POLR3E: variants seen among roughly 807,000 people sequenced by gnomAD.
POLR3E encodes RNA polymerase III subunit E.
POLR3E carries 41 observed loss-of-function variants against 96.6 expected under a neutral mutation model. The ratio of observed to expected loss-of-function variants is 0.42; its 90% CI spans 0.33 to 0.55. POLR3E has a LOEUF of 0.55. Among genes scored for constraint, POLR3E ranks in the 20% least tolerant of loss-of-function variants. The pLI, the probability that POLR3E is intolerant of heterozygous loss-of-function variation, is 0.06. For synonymous variants in POLR3E, 396 were observed against 383.6 expected (o/e 1.03, Z -0.38); for missense variants, 849 against 952.1 (o/e 0.89, Z 1.43).
intron 13 of POLR3E, among the ~76,000 whole-genome samples, chr16:22,320,316 C>G (rs1567323013): frequency 6.6e-6 from 1 of 151,986 alleles, no homozygotes; most frequent in Admixed American, 6.6e-5. Flanking sequence ...GGCTGGGGTG[C>G]AGTGGCACAG....
At chr16:22,308,058 G>A in intron 3 of POLR3E, 90 bp from the exon 4 acceptor site, 4 of 927,890 alleles carry the variant, frequency 4.3e-6, no homozygotes, top group Admixed American at 3.6e-5. Context: ...GCTTGGGGTG[G>A]GCTTGGAGAT....
chr16:22,309,246 A>C, intron 5 of POLR3E, 182 bp from the exon 6 acceptor site: 1 of 700,774 alleles, frequency 1.4e-6, no homozygotes, highest in Non-Finnish European at 2.6e-6. Context: ...CTTGGTCTAC[A>C]AACAAGGCCA....
At position 22,328,505 on chromosome 16, in the gene POLR3E, G is replaced by T; in HGVS notation, c.1867-5G>T. 1 of 1,613,740 alleles carries T rather than the reference G, an allele frequency of 6.2e-7. No homozygotes were observed. The highest frequency in any genetic ancestry group is 1.7e-5 in the Admixed American group (1 of 60,016). On this transcript the variant is annotated splice_region_variant and splice_polypyrimidine_tract_variant and intron_variant, in intron 18 of 20. Coordinates refer to ENST00000299853, the MANE Select transcript of POLR3E (RefSeq NM_018119.4). Reference sequence around the variant, plus strand: ...ACAAGCAACTCACCCCTGGGCCTTGGTCAGTTTCCCCCCCAGACTGCTGCT... The same window carrying T: ...ACAAGCAACTCACCCCTGGGCCTTGTTCAGTTTCCCCCCCAGACTGCTGCT...
At chr16:22,316,722 C>T in intron 10 of POLR3E, 36 bp downstream of exon 10, 1 of 1,528,710 alleles carries the variant, frequency 6.5e-7, no homozygotes, top group Non-Finnish European at 9.1e-7. Context: ...AACTGGATGC[C>T]TGCCCAGGGT....
chr16:22,309,568 G>A lies in POLR3E; in HGVS notation c.364+58G>A, dbSNP rs371347024. ...ATGGCATTGGGGGGGGCTGGGCAGG[G>A]AGAGTACCTCCCCAGCCTGGTGTCC... On this transcript the variant is annotated intron_variant, in intron 6 of 20. Coordinates refer to ENST00000299853, the MANE Select transcript of POLR3E (RefSeq NM_018119.4). The A allele has an allele frequency of 4.2e-6, 5 of 1,178,974 alleles. No individual in the cohort carries two copies. In the African/African-American group the frequency reaches 6.0e-5, roughly 14 times the overall value. The allele number at this position is 1,178,974 out of a possible 1,614,324, so 73.0% of individuals were successfully genotyped here.
intron 1 of POLR3E, among the ~76,000 whole-genome samples, chr16:22,302,113 AT>A (rs2048035774): frequency 6.6e-6 from 1 of 151,402 alleles, no homozygotes; most frequent in African/African-American, 2.4e-5. Context: ...TCTTCCTGGA[AT>A]TTCTCCTCCC....
intron 20 of POLR3E, among the ~76,000 whole-genome samples, chr16:22,332,765 T>A (rs536064208): frequency 2.0e-5 from 3 of 152,058 alleles, no homozygotes; most frequent in African/African-American, 7.2e-5. Context: ...CTGTTTACTA[T>A]ATGAAAGCAC....
chr16:22,326,300 A>C, intron 18 of POLR3E, 22 bp downstream of exon 18: 3 of 454,038 alleles, frequency 6.6e-6, no homozygotes, highest in Non-Finnish European at 8.2e-6. Flanking sequence ...CCTGCCTGCC[A>C]GGGGCATGGG....
intron 1 of POLR3E, among the ~76,000 whole-genome samples, chr16:22,298,409 G>A (rs767196594): frequency 6.6e-6 from 1 of 152,190 alleles, no homozygotes; most frequent in Non-Finnish European, 1.5e-5. Flanking sequence ...AACCTTCCCA[G>A]AGGTTACGTT....
chr16:22,312,066 G>C lies in POLR3E; in HGVS notation c.365-1554G>C, dbSNP rs143959999. 8.5e-5 allele frequency among the ~76,000 whole-genome samples: 13 copies of C among 152,332 alleles called. No individual in the cohort carries two copies. The East Asian group carries it at 2.5e-3, about 29-fold the overall frequency. ...AATGTCCAGAATAGGCAAATGTACAGAGGCAGAAAGTAGATTAGTGGCTAC... is the reference window on the plus strand; with the variant it reads ...AATGTCCAGAATAGGCAAATGTACACAGGCAGAAAGTAGATTAGTGGCTAC... On this transcript the variant is annotated intron_variant, in intron 6 of 20. Coordinates refer to ENST00000299853, the MANE Select transcript of POLR3E (RefSeq NM_018119.4).
chr16:22,310,890 C>G lies in POLR3E; in HGVS notation c.364+1380C>G, dbSNP rs1458176517. Among the ~76,000 whole-genome samples the G allele has an allele frequency of 2.0e-5, 3 of 152,140 alleles. No individual in the cohort carries two copies. The East Asian group carries it at 5.8e-4, about 29-fold the overall frequency. On this transcript the variant is annotated intron_variant, in intron 6 of 20. Coordinates refer to ENST00000299853, the MANE Select transcript of POLR3E (RefSeq NM_018119.4). ...TAAGCTGAGATTCCGCCATTGCACT[C>G]CAGCCTGGGCAATAGAGCAAGACTC...
At position 22,323,790 on chromosome 16, in the gene POLR3E, G is replaced by C. The variant is rs563463550; in HGVS notation, c.1069-564G>C. 2.6e-5 allele frequency among the ~76,000 whole-genome samples: 4 copies of C among 152,260 alleles called. No individual in the cohort carries two copies. The South Asian group carries it at 8.3e-4, about 32-fold the overall frequency. On this transcript the variant is annotated intron_variant, in intron 14 of 20. Transcript: ENST00000299853. Reference sequence around the variant, plus strand: ...TGTGTAGACACTGTCAGAACTGGCGGCTTGGTGGGGGTGTGGTCCAGTCTA... The same window carrying C: ...TGTGTAGACACTGTCAGAACTGGCGCCTTGGTGGGGGTGTGGTCCAGTCTA...
intron 9 of POLR3E, among the ~76,000 whole-genome samples, chr16:22,316,088 C>T (rs1351434120): frequency 1.3e-5 from 2 of 152,162 alleles, no homozygotes; most frequent in Non-Finnish European, 2.9e-5. Flanking sequence ...CTCCTGATTT[C>T]TCTGGAACCT....
Position 22,325,984 on chromosome 16 carries a change from C to T in POLR3E, c.1572C>T (p.Ser524=), listed in dbSNP as rs1296547636. 21 of 1,591,738 alleles carry T rather than the reference C, an allele frequency of 1.3e-5. No homozygotes were observed. Among genetic ancestry groups the T allele is most frequent in the East Asian group, 2.3e-5 (1 of 43,946 alleles). Residue 524 remains serine (S), a synonymous_variant, in exon 18 of 21, where the codon AGC becomes AGT. Coordinates refer to ENST00000299853, the MANE Select transcript of POLR3E (RefSeq NM_018119.4). ...AEEEPMDTSP[S]GLHSKLANGL... ...AGGAGCCCATGGACACTTCCCCCAG[C>T]GGCCTCCACAGCAAGCTGGCCAACG... is the stretch of plus-strand genomic sequence containing the variant.
chr16:22,315,065 G>T, intron 8 of POLR3E, 24 bp from the exon 9 acceptor site: 1 of 1,611,448 alleles, frequency 6.2e-7, no homozygotes, highest in South Asian at 1.1e-5. Context: ...CTGACGGTAT[G>T]ACCTCTTCCC....
chr16:22,302,822 G>A lies in POLR3E; in HGVS notation c.-38-109G>A, dbSNP rs534989378. On this transcript the variant is annotated intron_variant, in intron 1 of 20. Transcript: ENST00000299853. ...CAATGTAGATGTAGAAAGAAGGTCAGTTGGTTGGTTGTGGGCTCCCCCTCC... is the reference window on the plus strand; with the variant it reads ...CAATGTAGATGTAGAAAGAAGGTCAATTGGTTGGTTGTGGGCTCCCCCTCC... The A allele has an allele frequency of 4.9e-5, 37 of 756,532 alleles. No homozygotes were observed. The African/African-American group carries it at 5.8e-4, about 12-fold the overall frequency. 46.9% of individuals were successfully genotyped at this position (756,532 alleles called of 1,614,324 possible).
rs1158118618 is a variant in POLR3E, at chr16:22,330,274, G to A, written c.1944+1687G>A. Among the ~76,000 whole-genome samples, 3 of 148,454 alleles carry A rather than the reference G, an allele frequency of 2.0e-5. No individual in the cohort carries two copies. In the South Asian group the frequency reaches 6.4e-4, roughly 32 times the overall value. ...AGATCGCGGTGGTAGGGGTCGGGGG[G>A]TGGTCCCACCATGTTGGCCAGGCTG... On this transcript the variant is annotated intron_variant, in intron 19 of 20. Coordinates refer to ENST00000299853, the MANE Select transcript of POLR3E (RefSeq NM_018119.4).
At chr16:22,329,543 T>G (rs1408828084) in intron 19 of POLR3E, among the ~76,000 whole-genome samples, 3 of 152,058 alleles carry the variant, frequency 2.0e-5, no homozygotes, top group African/African-American at 7.2e-5. Context: ...CCCACTGAGC[T>G]CTCTGTCCCC....
Position 22,313,604 on chromosome 16 carries a change from C to T in POLR3E, c.365-16C>T. 6.3e-7 allele frequency: 1 copy of T among 1,590,486 alleles called. No homozygotes were observed. The highest frequency in any genetic ancestry group is 8.6e-7 in the Non-Finnish European group (1 of 1,158,740). On this transcript the variant is annotated splice_polypyrimidine_tract_variant and intron_variant, in intron 6 of 20. Transcript: ENST00000299853. The surrounding 1 kb of genome is among the most constrained non-coding windows in gnomAD (Gnocchi z 4.1). ...GGGTTTCTAGAGTTGAGTCCAAGCC[C>T]TTCTTCCTCCGCCAGGTGAGCTCCA... is the stretch of plus-strand genomic sequence containing the variant.
Sources: gnomAD v4.1 joint callset for allele counts (sites outside exome capture counted in the v4.1 genomes callset) on GRCh38, gnomAD v4.1.1 for gene constraint, Gnocchi (gnomAD v3.1) non-coding constraint, MANE v1.5 for transcripts, NCBI Gene and HGNC (gene_info 2026-07-23, HGNC 2026-07-21) for gene names.